Variants in MYT1L observed in about 807,000 individuals in gnomAD.
The protein encoded by MYT1L is myelin transcription factor 1-like protein.
Under a neutral mutation model 126.7 loss-of-function variants are expected in MYT1L, and 12 were observed. The observed-to-expected ratio is 0.09, with a 90% CI of 0.06 to 0.15. The LOEUF (loss-of-function observed/expected upper bound fraction) is 0.15. MYT1L is among the 10% of genes least tolerant of loss of function. The pLI is 1.00. For missense variants in MYT1L, 979 were observed against 1,585.2 expected (o/e 0.62, Z 6.49); for synonymous variants, 541 against 604.2 (o/e 0.90, Z 1.53).
At chr2:2,283,070 A>T (rs1167028285) in intron 2 of MYT1L, among the ~76,000 whole-genome samples, 1 of 152,194 alleles carries the variant, frequency 6.6e-6, no homozygotes, top group East Asian at 1.9e-4. Flanking sequence ...GCCAGACTCC[A>T]TCCCCCCCAA....
chr2:2,072,806 A>G (rs1488072179), intron 3 of MYT1L, among the ~76,000 whole-genome samples: 1 of 152,200 alleles, frequency 6.6e-6, no homozygotes, highest in African/African-American at 2.4e-5. Flanking sequence ...TGCCCTGTGA[A>G]GAAGCTGCTT....
At chr2:2,140,684 C>T (rs796532278) in intron 3 of MYT1L, among the ~76,000 whole-genome samples, 4 of 152,194 alleles carry the variant, frequency 2.6e-5, no homozygotes, top group African/African-American at 9.6e-5. Flanking sequence ...TCCGCCGCCT[C>T]GGCCTCTCAA....
chr2:1,937,916 AG>A (rs139289759), intron 9 of MYT1L, among the ~76,000 whole-genome samples: 2,067 of 152,366 alleles, frequency 0.014, 53 homozygotes, highest in African/African-American at 0.047. Context: ...ACAGGAAGCC[AG>A]GAAGACTTTA....
chr2:1,807,729 A>G (rs146122879), intron 22 of MYT1L, among the ~76,000 whole-genome samples: 84 of 152,334 alleles, frequency 5.5e-4, no homozygotes, highest in African/African-American at 1.9e-3. Flanking sequence ...GTTACTGCAC[A>G]CAGGCTGAGA....
intron 8 of MYT1L, among the ~76,000 whole-genome samples, chr2:1,967,089 A>G (rs1343685175): frequency 6.6e-6 from 1 of 152,200 alleles, no homozygotes; most frequent in Non-Finnish European, 1.5e-5. Context: ...ACAGATACTA[A>G]TAACAGGCTG....
chr2:1,943,919 C>G lies in MYT1L; in HGVS notation c.153-585G>C, dbSNP rs1053961534. On this transcript the variant is annotated intron_variant, in intron 8 of 24. Coordinates refer to ENST00000647738, the MANE Select transcript of MYT1L (RefSeq NM_001303052.2). The surrounding 1 kb of genome is among the most constrained non-coding windows in gnomAD (Gnocchi z 4.4). The stretch of plus-strand genomic sequence containing the variant: ...CAATGTTGTATGAAAGCAACTGCAT[C>G]ATTCAAAGTTCTGCAGAACTTCCTC... Among the ~76,000 whole-genome samples, 1 of 152,110 alleles carries G rather than the reference C, an allele frequency of 6.6e-6. No homozygotes were observed. The highest frequency in any genetic ancestry group is 1.5e-5 in the Non-Finnish European group (1 of 68,026).
chr2:2,207,292 T>C (rs561422115), intron 2 of MYT1L, among the ~76,000 whole-genome samples: 1 of 152,286 alleles, frequency 6.6e-6, no homozygotes, highest in Non-Finnish European at 1.5e-5. Flanking sequence ...ACTACACATA[T>C]AAAACACACA....
In MYT1L at chr2:1,991,842, G is replaced by A. The variant is rs78008447; in HGVS notation, c.-1+5349C>T. Among the ~76,000 whole-genome samples, 52 of 152,206 alleles carry A rather than the reference G, an allele frequency of 3.4e-4. 1 individual carries two copies. The East Asian group carries it at 9.3e-3, about 27-fold the overall frequency. On this transcript the variant is annotated intron_variant, in intron 5 of 24. Coordinates refer to ENST00000647738, the MANE Select transcript of MYT1L (RefSeq NM_001303052.2). ...ATTCCTCTCCATCAGCGAAGACTAG[G>A]ATTCTCTGGATCACGTTCCCCCAAA...
chr2:2,114,813 T>C (rs1163975313), intron 3 of MYT1L, among the ~76,000 whole-genome samples: 2 of 152,210 alleles, frequency 1.3e-5, no homozygotes, highest in East Asian at 3.9e-4. Flanking sequence ...GCAGCTCAAC[T>C]GCTGCTTCAG....
intron 3 of MYT1L, among the ~76,000 whole-genome samples, chr2:2,158,025 C>A (rs76906179): frequency 0.013 from 1,940 of 152,112 alleles, 44 homozygotes; most frequent in African/African-American, 0.045. Flanking sequence ...AGGTCTCTTG[C>A]CCTTTCCAAT....
intron 4 of MYT1L, among the ~76,000 whole-genome samples, chr2:2,027,862 G>A (rs1043985130): frequency 2.2e-4 from 33 of 152,232 alleles, no homozygotes; most frequent in African/African-American, 5.5e-4. Context: ...AAGGGCTCCT[G>A]CAGTGAAAGC....
intron 1 of MYT1L, among the ~76,000 whole-genome samples, chr2:2,292,640 G>C (rs1054653919): frequency 4.5e-4 from 69 of 152,240 alleles, no homozygotes; most frequent in African/African-American, 1.6e-3. Context: ...GTGGCCCTCA[G>C]GGTCCCAGCC....
chr2:2,239,018 C>A (rs2094385392), intron 2 of MYT1L, among the ~76,000 whole-genome samples: 1 of 152,198 alleles, frequency 6.6e-6, no homozygotes, highest in Non-Finnish European at 1.5e-5. Context: ...CCTGACCCAG[C>A]CTACTGGCCA....
rs182640972 is a variant in MYT1L at position 1,848,578 on chromosome 2, C to T, written c.2774+3063G>A. 6.6e-6 allele frequency among the ~76,000 whole-genome samples: 1 copy of T among 152,192 alleles called. No homozygotes were observed. The highest frequency in any genetic ancestry group is 2.4e-5 in the African/African-American group (1 of 41,448). On this transcript the variant is annotated intron_variant, in intron 19 of 24. Transcript: ENST00000647738. This position sits in a 1 kb window ranked among gnomAD's most constrained non-coding sequence, Gnocchi z 4.8. ...CTAAGTGGCGTTTGCCTATAGGTAACATTATCTTCCTGTTCCTGGGAAACA... is the reference window on the plus strand; with the variant it reads ...CTAAGTGGCGTTTGCCTATAGGTAATATTATCTTCCTGTTCCTGGGAAACA...
chr2:2,183,261 G>A (rs971070723), intron 2 of MYT1L, among the ~76,000 whole-genome samples: 5 of 152,112 alleles, frequency 3.3e-5, no homozygotes, highest in African/African-American at 9.7e-5. Flanking sequence ...GAGGGGAAGA[G>A]ACAGAGAGGA....
chr2:2,010,502 C>T (rs556912039), intron 4 of MYT1L, among the ~76,000 whole-genome samples: 1 of 152,104 alleles, frequency 6.6e-6, no homozygotes, highest in South Asian at 2.1e-4. Context: ...TGGGAGGTGC[C>T]ACTCTGCTGC....
intron 22 of MYT1L, among the ~76,000 whole-genome samples, chr2:1,802,230 C>T (rs1204301142): frequency 1.3e-5 from 2 of 152,174 alleles, no homozygotes; most frequent in East Asian, 1.9e-4. Flanking sequence ...CCAGGCTCTG[C>T]AGGTACGTTC....
At chr2:2,168,171 G>C (rs1437004143) in intron 3 of MYT1L, among the ~76,000 whole-genome samples, 1 of 152,142 alleles carries the variant, frequency 6.6e-6, no homozygotes, top group Non-Finnish European at 1.5e-5. Flanking sequence ...TAACTCTGCA[G>C]AACGGTGTGG....
At chr2:1,973,991 T>C (rs558724157) in intron 8 of MYT1L, among the ~76,000 whole-genome samples, 84 of 152,310 alleles carry the variant, frequency 5.5e-4, no homozygotes, top group African/African-American at 1.9e-3. Context: ...GGTTGGTGAC[T>C]TCCTAGTAGG....
Sources: gnomAD v4.1 joint callset for allele counts (sites outside exome capture counted in the v4.1 genomes callset) on GRCh38, gnomAD v4.1.1 for gene constraint, Gnocchi (gnomAD v3.1) non-coding constraint, MANE v1.5 for transcripts, NCBI Gene and HGNC (gene_info 2026-07-23, HGNC 2026-07-21) for gene names.